Variants in PDE5A observed in about 807,000 individuals in gnomAD.
PDE5A encodes the protein cGMP-specific 3',5'-cyclic phosphodiesterase.
A neutral mutation model predicts 110.2 loss-of-function variants in PDE5A; 67 were observed. The observed-to-expected ratio is 0.61, with a 90% CI of 0.50 to 0.75. The LOEUF is 0.75. PDE5A is among the 30% of genes least tolerant of loss of function. The pLI is 0.00. For missense variants in PDE5A, 862 were observed against 1,045.1 expected, an observed-to-expected ratio of 0.82 and a Z score of 2.42; for synonymous variants, 328 against 351.2, an observed-to-expected ratio of 0.93 and a Z score of 0.74.
chr4:119,511,345 A>G (rs1725736662), intron 14 of PDE5A, among the ~76,000 whole-genome samples: 1 of 152,122 alleles, frequency 6.6e-6, no homozygotes, highest in Non-Finnish European at 1.5e-5. Context: ...CAATGTGACC[A>G]TTGCCAGAGT....
chr4:119,564,736 T>C (rs1272610795), intron 5 of PDE5A, among the ~76,000 whole-genome samples: 1 of 152,146 alleles, frequency 6.6e-6, no homozygotes, highest in African/African-American at 2.4e-5. Context: ...ATTTACATAA[T>C]TATAGTGCTT....
At chr4:119,609,645 G>T (rs1383905673) in intron 1 of PDE5A, among the ~76,000 whole-genome samples, 1 of 152,024 alleles carries the variant, frequency 6.6e-6, no homozygotes, top group Non-Finnish European at 1.5e-5. Context: ...ATAATTTCAA[G>T]AGTTGAATAC....
intron 5 of PDE5A, 24 bp downstream of exon 5, chr4:119,565,297 A>G: frequency 6.8e-7 from 1 of 1,479,654 alleles, no homozygotes. Context: ...ATTTCTATGC[A>G]CTTTCTTTAG....
At chr4:119,549,179 A>G (rs988209204) in intron 9 of PDE5A, 4 of 152,216 alleles carry the variant, frequency 2.6e-5, no homozygotes, top group South Asian at 4.1e-4. Flanking sequence ...GTGACAATCA[A>G]TGATTCAAAA....
intron 7 of PDE5A, among the ~76,000 whole-genome samples, chr4:119,556,153 C>T (rs1727530475): frequency 6.6e-6 from 1 of 152,182 alleles, no homozygotes; most frequent in Admixed American, 6.5e-5. Flanking sequence ...TAATTCTCCT[C>T]CCCTTCTGTT....
At chr4:119,537,507 CT>C (rs1726766294) in intron 11 of PDE5A, among the ~76,000 whole-genome samples, 1 of 152,072 alleles carries the variant, frequency 6.6e-6, no homozygotes, top group African/African-American at 2.4e-5. Context: ...AATCTTCCTC[CT>C]TGTTTAACTA....
At chr4:119,610,064 T>A (rs989321863) in intron 1 of PDE5A, among the ~76,000 whole-genome samples, 3 of 152,230 alleles carry the variant, frequency 2.0e-5, no homozygotes, top group African/African-American at 7.2e-5. Flanking sequence ...CACAAGCATA[T>A]ACCTACACAG....
At chr4:119,510,739 G>C (rs550341394) in intron 15 of PDE5A, among the ~76,000 whole-genome samples, 1 of 151,918 alleles carries the variant, frequency 6.6e-6, no homozygotes, top group South Asian at 2.1e-4. Flanking sequence ...CACTTCATTC[G>C]ATTAAACAAA....
Position 119,525,529 on chromosome 4 carries a change from G to A in PDE5A, c.1779+20C>T, listed in dbSNP as rs1726282247. On this transcript the variant is annotated intron_variant, in intron 12 of 20. Coordinates refer to ENST00000354960, the MANE Select transcript of PDE5A (RefSeq NM_001083.4). This position sits in a 1 kb window ranked among gnomAD's most constrained non-coding sequence, Gnocchi z 4.3. ...ACACATACACATAGACTTTTCCAAAGGATGTTGCTGCATTCCTACCTCATG... is the reference window on the plus strand; with the variant it reads ...ACACATACACATAGACTTTTCCAAAAGATGTTGCTGCATTCCTACCTCATG... 3 of 1,609,564 alleles carry A rather than the reference G, an allele frequency of 1.9e-6. No individual in the cohort carries two copies. The highest frequency in any genetic ancestry group is 1.3e-5 in the African/African-American group (1 of 74,674).
At chr4:119,566,440 C>T (rs1727936816) in intron 4 of PDE5A, among the ~76,000 whole-genome samples, 1 of 152,156 alleles carries the variant, frequency 6.6e-6, no homozygotes, top group African/African-American at 2.4e-5. Context: ...ATAAAACCTA[C>T]TCATAGAATG....
chr4:119,593,955 T>C (rs191156820), intron 3 of PDE5A, among the ~76,000 whole-genome samples: 1 of 152,160 alleles, frequency 6.6e-6, no homozygotes. Flanking sequence ...TCAGATCTCA[T>C]GAGACTCACT....
chr4:119,609,555 T>C (rs1469205240), intron 1 of PDE5A, among the ~76,000 whole-genome samples: 1 of 152,222 alleles, frequency 6.6e-6, no homozygotes, highest in African/African-American at 2.4e-5. Flanking sequence ...TATTATTTGT[T>C]AAATATACAT....
intron 18 of PDE5A, among the ~76,000 whole-genome samples, chr4:119,503,995 A>G (rs1725468281): frequency 6.6e-6 from 1 of 152,018 alleles, no homozygotes; most frequent in African/African-American, 2.4e-5. Context: ...CATGTCTGGT[A>G]TATATGTATA....
intron 6 of PDE5A, among the ~76,000 whole-genome samples, chr4:119,562,445 A>G (rs1292707862): frequency 6.6e-6 from 1 of 152,136 alleles, no homozygotes; most frequent in African/African-American, 2.4e-5. Context: ...CAGAATGAGG[A>G]GTCTGGTCTG....
intron 4 of PDE5A, 56 bp downstream of exon 4, chr4:119,567,017 C>G: frequency 8.2e-7 from 1 of 1,215,788 alleles, no homozygotes; most frequent in African/African-American, 1.5e-5. Context: ...GGTGTATATA[C>G]TATAAAGAGA....
intron 13 of PDE5A, among the ~76,000 whole-genome samples, chr4:119,520,613 C>T (rs1334519754): frequency 6.6e-6 from 1 of 151,982 alleles, no homozygotes; most frequent in Non-Finnish European, 1.5e-5. Flanking sequence ...AAATGTGATA[C>T]TTTTTCTTAC....
At chr4:119,619,193 T>C (rs766409602) in intron 1 of PDE5A, among the ~76,000 whole-genome samples, 8 of 152,208 alleles carry the variant, frequency 5.3e-5, no homozygotes, top group Non-Finnish European at 1.2e-4. Flanking sequence ...CTTTTCCTGC[T>C]CTTGGATCCT....
At chr4:119,579,941 C>A (rs1344444369) in intron 3 of PDE5A, among the ~76,000 whole-genome samples, 1 of 152,082 alleles carries the variant, frequency 6.6e-6, no homozygotes, top group Non-Finnish European at 1.5e-5. Flanking sequence ...AGTGGAGGCC[C>A]ATGTGCCAAG....
chr4:119,564,733 T>A (rs1260792763), intron 5 of PDE5A, among the ~76,000 whole-genome samples: 1 of 152,152 alleles, frequency 6.6e-6, no homozygotes, highest in East Asian at 1.9e-4. Context: ...AACATTTACA[T>A]AATTATAGTG....
Sources: gnomAD v4.1 joint callset for allele counts (sites outside exome capture counted in the v4.1 genomes callset) on GRCh38, gnomAD v4.1.1 for gene constraint, Gnocchi (gnomAD v3.1) non-coding constraint, MANE v1.5 for transcripts, NCBI Gene and HGNC (gene_info 2026-07-23, HGNC 2026-07-21) for gene names.